The following GAB4 variants were observed in gnomAD, a reference collection of about 807,000 sequenced individuals.
GAB4 encodes the protein GRB2-associated-binding protein 4.
GAB4 carries 26 observed loss-of-function variants against 51.3 expected under a neutral mutation model. The observed-to-expected ratio is 0.51, with a 90% confidence interval of 0.37 to 0.70. The LOEUF (loss-of-function observed/expected upper bound fraction) is 0.70. Ranked by LOEUF, GAB4 falls within the 30% of genes least tolerant of loss-of-function variation. The pLI, the probability that GAB4 is intolerant of heterozygous loss-of-function variation, is 0.00. For synonymous variants in GAB4, 329 were observed against 291.2 expected (o/e 1.13, Z -1.32); for missense variants, 759 against 734.6 (o/e 1.03, Z -0.38).
intron 3 of GAB4, among the ~76,000 whole-genome samples, chr22:16,971,814 G>A (rs947017176): frequency 3.3e-5 from 5 of 152,162 alleles, no homozygotes; most frequent in African/African-American, 4.8e-5. Flanking sequence ...AAAAATGAAG[G>A]GAAGCAGGTG....
intron 3 of GAB4, among the ~76,000 whole-genome samples, chr22:16,983,813 T>C (rs1569102014): frequency 6.6e-6 from 1 of 152,200 alleles, no homozygotes; most frequent in Non-Finnish European, 1.5e-5. Context: ...CAAAATTGAT[T>C]GAACATGTAA....
rs770789209 is a variant in GAB4 at position 16,965,229 on chromosome 22, A to G, written c.1328T>C (p.Ile443Thr). The change falls in exon 7 of 10, where the codon ATC becomes ACC. Residue 443 changes from isoleucine (I) to threonine (T), a missense_variant. By Grantham distance (89) the Ile-to-Thr change is moderately conservative (BLOSUM62 -1). Around this residue, in one of 3 missense-constraint regions of GAB4, gnomAD observed 588 missense variants for 510.2 expected, o/e 1.15. Coordinates refer to ENST00000400588, the MANE Select transcript of GAB4 (RefSeq NM_001037814.1). ...AGGTGGCTTGAAGGAGAGCTCATTG[A>G]TGACCCTGTTGTTTCTCAGGTTGGG... ...TPPNLRNNRV[I>T]NELSFKPPVT... is the part of the protein sequence containing the mutation. 2.5e-6 allele frequency: 4 copies of G among 1,614,072 alleles called. No homozygotes were observed. Among genetic ancestry groups the G allele is most frequent in the Non-Finnish European group, 3.4e-6 (4 of 1,179,964 alleles).
chr22:17,002,796 T>C (rs1029765669), intron 1 of GAB4, among the ~76,000 whole-genome samples: 3 of 152,164 alleles, frequency 2.0e-5, no homozygotes, highest in African/African-American at 7.2e-5. Context: ...CTGTACATTG[T>C]GCACACGTAC....
chr22:17,002,400 T>A (rs2061004946), intron 1 of GAB4, among the ~76,000 whole-genome samples: 1 of 152,086 alleles, frequency 6.6e-6, no homozygotes, highest in South Asian at 2.1e-4. Context: ...GCTAAGGGAT[T>A]CTGTCACCAC....
intron 3 of GAB4, among the ~76,000 whole-genome samples, chr22:16,987,501 A>T (rs566191496): frequency 4.6e-5 from 7 of 152,208 alleles, no homozygotes; most frequent in Non-Finnish European, 7.3e-5. Context: ...CTCGAAATTT[A>T]ATTTAATTTT....
At position 16,965,142 on chromosome 22, in the gene GAB4, G is replaced by T. The variant is rs752053087; in HGVS notation, c.1379+36C>A. 16 of 1,518,274 alleles carry T rather than the reference G, an allele frequency of 1.1e-5. 1 individual carries two copies. In the Middle Eastern group the frequency reaches 8.5e-4, roughly 80 times the overall value. 94.1% of individuals were successfully genotyped at this position (1,518,274 alleles called of 1,614,324 possible). On this transcript the variant is annotated intron_variant, in intron 7 of 9. Transcript: ENST00000400588. ...ATCCCACTCACTCCTCCACCGGCCCGGTCCCAAGCTCCTGTTTCCACTGAC... is the reference window on the plus strand; with the variant it reads ...ATCCCACTCACTCCTCCACCGGCCCTGTCCCAAGCTCCTGTTTCCACTGAC...
chr22:16,971,656 G>A lies in GAB4; in HGVS notation c.687-1463C>T, dbSNP rs993536864. The stretch of plus-strand genomic sequence containing the variant: ...TCTTGGGGTGTCTCCCCAGAATGAG[G>A]CATGTCTCACACACATGCACATTTG... On this transcript the variant is annotated intron_variant, in intron 3 of 9. Transcript: ENST00000400588. Among the ~76,000 whole-genome samples the A allele has an allele frequency of 1.8e-4, 28 of 152,272 alleles. 1 individual carries two copies. The highest frequency in any genetic ancestry group is 6.7e-4 in the African/African-American group (28 of 41,550).
chr22:17,007,690 C>T (rs557890755), intron 1 of GAB4, among the ~76,000 whole-genome samples: 2 of 152,180 alleles, frequency 1.3e-5, no homozygotes, highest in Non-Finnish European at 2.9e-5. Flanking sequence ...CACTCTCCGA[C>T]CTGCAGGCCC....
In GAB4 at chr22:16,963,799, C is replaced by A. The variant is rs544455504; in HGVS notation, c.1507G>T (p.Gly503Cys). The A allele has an allele frequency of 6.2e-7, 1 of 1,613,968 alleles. No homozygotes were observed. The highest frequency in any genetic ancestry group is 2.2e-5 in the East Asian group (1 of 44,874). ...CTCGGCGGGGCTGAACTGCTGGTGC[C>A]ACCGGAAACAGGAAATGCAGATGCC... ...NPASAFPVSG[G>C]TSSSAPPRST... Residue 503 changes from glycine to cysteine, a missense_variant, in exon 9 of 10, where the codon GGC becomes TGC. Physicochemically the swap from Gly to Cys is radical, Grantham distance 159. This residue lies in a region of GAB4 where 588 missense variants were observed against 510.2 expected (regional missense o/e 1.15). Coordinates refer to ENST00000400588, the MANE Select transcript of GAB4 (RefSeq NM_001037814.1).
intron 3 of GAB4, among the ~76,000 whole-genome samples, chr22:16,971,874 C>T (rs1017738693): frequency 1.3e-5 from 2 of 152,200 alleles, no homozygotes; most frequent in African/African-American, 4.8e-5. Context: ...AGCTTCACAG[C>T]CTTCCTTCCT....
intron 2 of GAB4, 137 bp from the exon 3 acceptor site, chr22:16,988,304 G>T: frequency 2.9e-6 from 2 of 685,220 alleles, no homozygotes; most frequent in South Asian, 3.3e-5. Context: ...CCTCCCAGAG[G>T]AGGGCTGGGG....
chr22:16,971,124 G>T (rs1199689962), intron 3 of GAB4, among the ~76,000 whole-genome samples: 6 of 152,280 alleles, frequency 3.9e-5, no homozygotes, highest in East Asian at 3.9e-4. Context: ...AGCCCAGGAG[G>T]CCGAGGCTGC....
intron 3 of GAB4, among the ~76,000 whole-genome samples, chr22:16,980,033 G>T (rs36150986): frequency 2.6e-5 from 4 of 152,048 alleles, no homozygotes; most frequent in African/African-American, 7.3e-5. Context: ...AGACTTAAAC[G>T]TAAGACCTAA....
rs770926181 is a variant in GAB4 at position 17,008,085 on chromosome 22, C to T, written c.30G>A (p.Arg10=). The change falls in exon 1 of 10, where the codon CGG becomes CGA. Residue 10 remains arginine, a synonymous_variant. Transcript: ENST00000400588. ...ATGCCGGGTCAGGTGGGCACAGCTC[C>T]CGGGAGGGTGAGGGGGACGGCAGGG... MSLPSPSPS[R]ELCPPDPAFA... The T allele has an allele frequency of 3.7e-5, 59 of 1,607,534 alleles. No homozygotes were observed. Among genetic ancestry groups the T allele is most frequent in the Middle Eastern group, 1.7e-4 (1 of 5,862 alleles).
rs192700046 is a variant in GAB4, at chr22:17,006,231, A to C, written c.174+1710T>G. Among the ~76,000 whole-genome samples the C allele has an allele frequency of 1.4e-4, 21 of 152,378 alleles. No homozygotes were observed. The East Asian group carries it at 4.0e-3, about 29-fold the overall frequency. On this transcript the variant is annotated intron_variant, in intron 1 of 9. Coordinates refer to ENST00000400588, the MANE Select transcript of GAB4 (RefSeq NM_001037814.1). ...CAAAGGATATGAACAGACACTTAAC[A>C]GAAGAAGATATTTATGTGGCCAACA...
intron 3 of GAB4, among the ~76,000 whole-genome samples, 180 bp downstream of exon 3, chr22:16,987,776 CAAAT>C (rs2060879837): frequency 6.6e-6 from 1 of 152,030 alleles, no homozygotes; most frequent in Non-Finnish European, 1.5e-5. Context: ...TGTAGCAACA[CAAAT>C]AAAACAAATA....
Position 16,969,346 on chromosome 22 carries a change from C to G in GAB4, c.937+597G>C, listed in dbSNP as rs139460597. Among the ~76,000 whole-genome samples the G allele has an allele frequency of 1.8e-4, 28 of 152,324 alleles. No individual in the cohort carries two copies. The East Asian group carries it at 5.4e-3, about 29-fold the overall frequency. ...ACTATGATGATTTAGAATTCCAAAC[C>G]CATAATGTGCTGTACTGTAACTAAG... On this transcript the variant is annotated intron_variant, in intron 4 of 9. Transcript: ENST00000400588.
At position 16,966,235 on chromosome 22, in the gene GAB4, G is replaced by C. The variant is rs764639565; in HGVS notation, c.1153C>G (p.Pro385Ala). 17 of 1,613,958 alleles carry C rather than the reference G, an allele frequency of 1.1e-5. No homozygotes were observed. The highest frequency in any genetic ancestry group is 3.3e-5 in the Admixed American group (2 of 60,006). ...AAGCGAACAAGACATGAGCCCACAG[G>C]GATGCAGACACCCTGGGAATCATCG... ...AGDDSQGVCI[P>A]VGSCLVRFDL... The change falls in exon 6 of 10, where the codon CCT becomes GCT. Residue 385 changes from proline (P) to alanine (A), a missense_variant. This residue lies in a region of GAB4 where 588 missense variants were observed against 510.2 expected (regional missense o/e 1.15). Coordinates refer to ENST00000400588, the MANE Select transcript of GAB4 (RefSeq NM_001037814.1).
chr22:16,993,345 T>A (rs1045333071), intron 1 of GAB4, among the ~76,000 whole-genome samples: 6 of 152,162 alleles, frequency 3.9e-5, no homozygotes, highest in Admixed American at 3.9e-4. Context: ...AGTTTTATTA[T>A]GCAAACAAAC....
Sources: allele counts gnomAD v4.1 joint callset (sites outside exome capture counted in the v4.1 genomes callset), GRCh38; gene constraint gnomAD v4.1.1; regional missense constraint gnomAD v4.1.1; transcripts MANE v1.5; gene names NCBI Gene and HGNC (gene_info 2026-07-23, HGNC 2026-07-21).